PCNT: variants seen among roughly 807,000 people sequenced by gnomAD.
The protein encoded by PCNT is kendrin.
Under a neutral mutation model 380.4 loss-of-function variants are expected in PCNT, and 319 were observed. That is an observed-to-expected ratio of 0.84 (90% confidence interval 0.77 to 0.92). The LOEUF is 0.92. Among genes scored for constraint, PCNT ranks in the 40% least tolerant of loss-of-function variants. The pLI is 0.00. For missense variants in PCNT, 4,400 were observed against 4,255.3 expected, an observed-to-expected ratio of 1.03 and a Z score of -0.95; for synonymous variants, 1,845 against 1,735.2, an observed-to-expected ratio of 1.06 and a Z score of -1.57.
In PCNT at chr21:46,443,859, C is replaced by T. The variant is rs770990832; in HGVS notation, c.9750C>T (p.Pro3250=). 27 of 1,613,436 alleles carry T rather than the reference C, an allele frequency of 1.7e-5. No homozygotes were observed. Among genetic ancestry groups the T allele is most frequent in the Non-Finnish European group, 2.0e-5 (24 of 1,180,004 alleles). ...CTCCACCCAGAACCAGAGAGTCCCC[C>T]CCAACCCGGGATGTACCCTCTGGCC... is the stretch of plus-strand genomic sequence containing the variant. ...PQSPPRTRES[P]PTRDVPSGHT... The change falls in exon 45 of 47, where the codon CCC becomes CCT. Residue 3250 remains proline (P), a synonymous_variant. Coordinates refer to ENST00000359568, the MANE Select transcript of PCNT (RefSeq NM_006031.6).
At chr21:46,421,092 GA>G (rs1386768159) in intron 31 of PCNT, 7 of 152,420 alleles carry the variant, frequency 4.6e-5, no homozygotes, top group Non-Finnish European at 1.0e-4. Flanking sequence ...TTCATTTTGT[GA>G]ATGACGTGCC....
Position 46,411,740 on chromosome 21 carries a change from C to T in PCNT, c.5667C>T (p.Ala1889=), listed in dbSNP as rs769106161. 7.1e-5 allele frequency: 114 copies of T among 1,611,644 alleles called. No homozygotes were observed. In the East Asian group the frequency reaches 1.9e-3, roughly 27 times the overall value. Residue 1889 remains alanine, a synonymous_variant, in exon 28 of 47, where the codon GCC becomes GCT. Transcript: ENST00000359568. ...ALNQRKAAHS[A]ELEAVLLALA... is the part of the protein sequence containing the mutation. Reference sequence around the variant, plus strand: ...ACCAGCGGAAGGCGGCCCACTCTGCCGAGCTGGAGGCCGTCCTGTTGGCCT... The same window carrying T: ...ACCAGCGGAAGGCGGCCCACTCTGCTGAGCTGGAGGCCGTCCTGTTGGCCT...
At chr21:46,385,466 C>T (rs1036881196) in intron 16 of PCNT, among the ~76,000 whole-genome samples, 1 of 152,218 alleles carries the variant, frequency 6.6e-6, no homozygotes, top group Non-Finnish European at 1.5e-5. Context: ...CTGGCCCCTT[C>T]CCTCCCCTAG....
At chr21:46,398,312 G>C in intron 24 of PCNT, 57 bp downstream of exon 24, 1 of 1,530,314 alleles carries the variant, frequency 6.5e-7, no homozygotes, top group Non-Finnish European at 8.9e-7. Context: ...GCTCCCCTGC[G>C]CTCGCTGGGA....
rs1569234395 is a variant in PCNT, at chr21:46,385,984, G to GT, written c.3464+2dup. 2 of 1,614,034 alleles carry GT rather than the reference G, an allele frequency of 1.2e-6. No individual in the cohort carries two copies. The highest frequency in any genetic ancestry group is 8.5e-7 in the Non-Finnish European group (1 of 1,180,008). ...ACGTCAACCTGTCCCACAGCGAAAGGTCAGTGTGTCCTCGGCACCGAGGCT... is the reference window on the plus strand; with the variant it reads ...ACGTCAACCTGTCCCACAGCGAAAGGTTCAGTGTGTCCTCGGCACCGAGGCT... On this transcript the variant is annotated splice_donor_variant, in intron 17 of 46. Transcript: ENST00000359568. LOFTEE classifies it high-confidence loss of function.
rs748519142 is a variant in PCNT, at chr21:46,442,588, G to A, written c.9700+15G>A. 8 of 1,494,434 alleles carry A rather than the reference G, an allele frequency of 5.4e-6. No homozygotes were observed. The Admixed American group carries it at 8.3e-5, about 16-fold the overall frequency. The allele number at this position is 1,494,434 out of a possible 1,614,324, so 92.6% of individuals were successfully genotyped here. ...CCCTCGCCCAGGTGGGACTCCAGCT[G>A]CTGTTGACCGCTGGACTCACAAACC... On this transcript the variant is annotated intron_variant, in intron 44 of 46. Transcript: ENST00000359568.
intron 27 of PCNT, among the ~76,000 whole-genome samples, chr21:46,407,044 A>G (rs1285506451): frequency 6.6e-6 from 1 of 152,174 alleles, no homozygotes; most frequent in Non-Finnish European, 1.5e-5. Flanking sequence ...GTGTTCCCTA[A>G]GGCTTTGTAT....
rs147607895 is a variant in PCNT, at chr21:46,411,039, G to A, written c.5116-150G>A. 492 of 804,986 alleles carry A rather than the reference G, an allele frequency of 6.1e-4. 2 individuals carry two copies. The African/African-American group carries it at 7.6e-3, about 12-fold the overall frequency. The allele number at this position is 804,986 out of a possible 1,614,324, so 49.9% of individuals were successfully genotyped here. A position where few individuals can be genotyped will look rare whatever the true frequency, so the allele number is the denominator to read the frequency against. On this transcript the variant is annotated intron_variant, in intron 27 of 46. Transcript: ENST00000359568. The stretch of plus-strand genomic sequence containing the variant: ...GCCAAGGTGGGTGTGGAGTGCATCC[G>A]GCACCAGCAGTTTGCTTCTATGGCT...
At chr21:46,441,116 C>A in intron 43 of PCNT, 32 bp downstream of exon 43, 2 of 1,360,302 alleles carry the variant, frequency 1.5e-6, no homozygotes, top group Non-Finnish European at 2.1e-6. Flanking sequence ...CAGTGCGTTC[C>A]GCGTCTGTCT....
intron 38 of PCNT, among the ~76,000 whole-genome samples, chr21:46,435,224 T>TTGTTTTTTTTTGG: frequency 6.6e-6 from 1 of 152,008 alleles, no homozygotes; most frequent in Non-Finnish European, 1.5e-5. Context: ...GTTTTTTTTG[T>TTGTTTTTTTTTGG]TTTGGTTTGG....
At position 46,401,729 on chromosome 21, in the gene PCNT, C is replaced by G; in HGVS notation, c.4962+8C>G. 1 of 1,613,862 alleles carries G rather than the reference C, an allele frequency of 6.2e-7. No individual in the cohort carries two copies. Among genetic ancestry groups the G allele is most frequent in the Non-Finnish European group, 8.5e-7 (1 of 1,179,910 alleles). Reference sequence around the variant, plus strand: ...CTGCGGCGCGAGAGCGAGGTGAGTGCAGAGTGGGGCCATGGGACTGCCAGC... The same window carrying G: ...CTGCGGCGCGAGAGCGAGGTGAGTGGAGAGTGGGGCCATGGGACTGCCAGC... On this transcript the variant is annotated splice_region_variant and intron_variant, in intron 26 of 46. Transcript: ENST00000359568.
chr21:46,324,171 A>G lies in PCNT; in HGVS notation c.-58A>G. 6.9e-7 allele frequency: 1 copy of G among 1,444,272 alleles called. No individual in the cohort carries two copies. The highest frequency in any genetic ancestry group is 9.6e-7 in the Non-Finnish European group (1 of 1,037,516). The allele number at this position is 1,444,272 out of a possible 1,614,324, so 89.5% of individuals were successfully genotyped here. On this transcript the variant is annotated 5_prime_UTR_variant, in exon 1 of 47. Transcript: ENST00000359568. ...CGGGGGAGGGAGTGTAAATAGAGCG[A>G]AGGCTGCTCTGTGTCAGCCCCGTCA... is the stretch of plus-strand genomic sequence containing the variant.
Position 46,427,638 on chromosome 21 carries a change from G to A in PCNT, c.7337G>A (p.Cys2446Tyr). Residue 2446 changes from cysteine to tyrosine, a missense_variant, in exon 34 of 47, where the codon TGC becomes TAC. Cys to Tyr is a radical substitution (Grantham distance 194). Transcript: ENST00000359568. ...TTCCTTTAGGAAGTGCCCACCGCGT[G>A]CCCCGATTGGAGAGGGGACCTTCTG... Reference protein sequence around the residue: ...GGKTQEVPTACPDWRGDLLQV... With the variant: ...GGKTQEVPTAYPDWRGDLLQV... 6.2e-7 allele frequency: 1 copy of A among 1,613,966 alleles called. No individual in the cohort carries two copies. Among genetic ancestry groups the A allele is most frequent in the Non-Finnish European group, 8.5e-7 (1 of 1,180,030 alleles).
chr21:46,340,893 C>T (rs573033768), intron 3 of PCNT, among the ~76,000 whole-genome samples: 48 of 150,070 alleles, frequency 3.2e-4, no homozygotes, highest in Non-Finnish European at 6.2e-4. Context: ...AGGCTGGTCT[C>T]GAACTCTTGA....
At chr21:46,326,250 A>G (rs1259471120) in intron 1 of PCNT, 127 bp from the exon 2 acceptor site, 4 of 779,226 alleles carry the variant, frequency 5.1e-6, no homozygotes, top group Admixed American at 2.0e-5. Flanking sequence ...TCTGTTGGCC[A>G]GGTGTGGCAG....
chr21:46,427,798 G>A lies in PCNT; in HGVS notation c.7494+3G>A. ...TGGAGAAGATCATCCGTGAGCAGGT[G>A]AGTGTCAGCTCTGCCACCAGGCCTC... On this transcript the variant is annotated splice_donor_region_variant and intron_variant, in intron 34 of 46. Transcript: ENST00000359568. 6.2e-7 allele frequency: 1 copy of A among 1,613,134 alleles called. No individual in the cohort carries two copies. Among genetic ancestry groups the A allele is most frequent in the Non-Finnish European group, 8.5e-7 (1 of 1,179,980 alleles).
intron 43 of PCNT, among the ~76,000 whole-genome samples, chr21:46,441,879 G>C (rs1362513929): frequency 6.6e-6 from 1 of 152,178 alleles, no homozygotes; most frequent in Non-Finnish European, 1.5e-5. Flanking sequence ...CTGCCACCAA[G>C]GGGCCTTGAC....
At chr21:46,355,381 T>C (rs372641649) in intron 11 of PCNT, 71 bp from the exon 12 acceptor site, 280 of 1,503,652 alleles carry the variant, frequency 1.9e-4, no homozygotes, top group Admixed American at 2.7e-4. Context: ...AGGAAACACC[T>C]TTGAGGGTTA....
At chr21:46,383,344 T>A (rs1177972653) in intron 16 of PCNT, among the ~76,000 whole-genome samples, 1 of 145,640 alleles carries the variant, frequency 6.9e-6, no homozygotes, top group Non-Finnish European at 1.5e-5. Context: ...ACATTCACGG[T>A]GTGCATTCAG....
Sources: gnomAD v4.1 joint callset for allele counts (sites outside exome capture counted in the v4.1 genomes callset) on GRCh38, gnomAD v4.1.1 for gene constraint, MANE v1.5 for transcripts, NCBI Gene and HGNC (gene_info 2026-07-23, HGNC 2026-07-21) for gene names.